The following SLC24A2 variants were observed in gnomAD, a reference collection of about 807,000 sequenced individuals.
SLC24A2 encodes the protein solute carrier family 24 member 2.
SLC24A2 carries 36 observed loss-of-function variants against 62.0 expected under a neutral mutation model. The ratio of observed to expected loss-of-function variants is 0.58; its 90% CI spans 0.44 to 0.77. SLC24A2 has a LOEUF of 0.77. Ranked by LOEUF, SLC24A2 falls within the 30% of genes least tolerant of loss-of-function variation. The pLI, the probability that SLC24A2 is intolerant of heterozygous loss-of-function variation, is 0.00. For synonymous variants in SLC24A2, 358 were observed against 294.0 expected (o/e 1.22, Z -2.23); for missense variants, 846 against 817.9 (o/e 1.03, Z -0.42).
chr9:20,156,049 G>C, the SLC24A2 span, among the ~76,000 whole-genome samples: 1 of 151,496 alleles, frequency 6.6e-6, no homozygotes, highest in Non-Finnish European at 1.5e-5. Flanking sequence ...TATCCATCTG[G>C]ACAAGTTTTT....
the SLC24A2 span, among the ~76,000 whole-genome samples, chr9:20,269,353 C>G: frequency 1.3e-5 from 2 of 152,126 alleles, no homozygotes; most frequent in Non-Finnish European, 2.9e-5. Context: ...TCAGGAATAT[C>G]CCTACTATAC....
chr9:20,045,890 G>C, the SLC24A2 span, among the ~76,000 whole-genome samples: 1 of 152,206 alleles, frequency 6.6e-6, no homozygotes, highest in Admixed American at 6.5e-5. Context: ...CCAAGAGCCA[G>C]TGAGTGATGG....
chr9:19,942,102 C>T, the SLC24A2 span, among the ~76,000 whole-genome samples: 2 of 152,174 alleles, frequency 1.3e-5, no homozygotes, highest in South Asian at 4.1e-4. Context: ...AATAATTTTC[C>T]AAGCCTTATG....
chr9:20,268,722 T>G, the SLC24A2 span, among the ~76,000 whole-genome samples: 1 of 152,228 alleles, frequency 6.6e-6, no homozygotes, highest in Non-Finnish European at 1.5e-5. Context: ...AGACATCTAC[T>G]TCTTCAGGCT....
rs1832876050 is a variant in SLC24A2, at chr9:19,515,157, T to A, written c.*996A>T. The A allele has an allele frequency of 6.6e-6, 1 of 152,072 alleles. No homozygotes were observed. The highest frequency in any genetic ancestry group is 1.5e-5 in the Non-Finnish European group (1 of 68,024). 9.4% of individuals were successfully genotyped at this position (152,072 alleles called of 1,614,324 possible). On this transcript the variant is annotated 3_prime_UTR_variant, in exon 11 of 11. Coordinates refer to ENST00000341998, the MANE Select transcript of SLC24A2 (RefSeq NM_020344.4). Reference sequence around the variant, plus strand: ...GGGACATGCGCTGGAAAAATACAGGTTCAGTTTATATAGTCTTGCTGTCCT... The same window carrying A: ...GGGACATGCGCTGGAAAAATACAGGATCAGTTTATATAGTCTTGCTGTCCT...
At chr9:19,916,809 T>A in the SLC24A2 span, among the ~76,000 whole-genome samples, 6 of 152,016 alleles carry the variant, frequency 3.9e-5, no homozygotes, top group South Asian at 1.2e-3. Context: ...TGCTTATATG[T>A]CTTTTTGTGC....
the SLC24A2 span, among the ~76,000 whole-genome samples, chr9:19,982,268 T>C: frequency 1.3e-5 from 2 of 152,118 alleles, no homozygotes; most frequent in African/African-American, 4.8e-5. Flanking sequence ...TCCTTATGAA[T>C]GGAAGTGTGA....
intron 1 of SLC24A2, among the ~76,000 whole-genome samples, chr9:19,788,363 A>G (rs1000534432): frequency 6.6e-6 from 1 of 152,164 alleles, no homozygotes; most frequent in Non-Finnish European, 1.5e-5. Context: ...GCGCAAAGTC[A>G]TCTCCAGCCC....
chr9:19,952,748 A>AT, the SLC24A2 span, among the ~76,000 whole-genome samples: 3 of 150,934 alleles, frequency 2.0e-5, no homozygotes, highest in African/African-American at 7.3e-5. Flanking sequence ...CAAGGGTAAT[A>AT]CTGGCTTTAT....
At chr9:20,301,487 A>G in the SLC24A2 span, among the ~76,000 whole-genome samples, 1 of 151,724 alleles carries the variant, frequency 6.6e-6, no homozygotes, top group Non-Finnish European at 1.5e-5. Flanking sequence ...CCACACATTT[A>G]CCCTTTTATT....
chr9:20,148,756 A>T, the SLC24A2 span, among the ~76,000 whole-genome samples: 4 of 152,174 alleles, frequency 2.6e-5, no homozygotes, highest in South Asian at 8.3e-4. Flanking sequence ...CTGGACCAAC[A>T]TGTTACTTTA....
chr9:19,698,799 T>G lies in SLC24A2; in HGVS notation c.931-76500A>C, dbSNP rs1052462514. On this transcript the variant is annotated intron_variant, in intron 2 of 10. Coordinates refer to ENST00000341998, the MANE Select transcript of SLC24A2 (RefSeq NM_020344.4). ...GGAAAGGAATCCTGCCTAGGTGACA[T>G]GGACCCACCCATAGAGACCTTTTGT... Among the ~76,000 whole-genome samples the G allele has an allele frequency of 1.4e-4, 21 of 152,308 alleles. 1 individual carries two copies. Among genetic ancestry groups the G allele is most frequent in the African/African-American group, 4.6e-4 (19 of 41,570 alleles).
At chr9:19,555,154 A>T (rs896971297) in intron 7 of SLC24A2, among the ~76,000 whole-genome samples, 1 of 151,966 alleles carries the variant, frequency 6.6e-6, no homozygotes, top group African/African-American at 2.4e-5. Flanking sequence ...AGGGATAATC[A>T]AAAGGGCACT....
intron 2 of SLC24A2, among the ~76,000 whole-genome samples, chr9:19,703,326 A>G (rs1820411883): frequency 1.3e-5 from 2 of 152,170 alleles, no homozygotes; most frequent in African/African-American, 4.8e-5. Context: ...CTGGGCTTCA[A>G]ACACGAGCCC....
At chr9:20,212,546 G>T in the SLC24A2 span, among the ~76,000 whole-genome samples, 16 of 151,750 alleles carry the variant, frequency 1.1e-4, no homozygotes, top group African/African-American at 2.2e-4. Context: ...AGCTACTCGG[G>T]AGGCATATGT....
chr9:19,743,607 A>T (rs1252128121), intron 2 of SLC24A2, among the ~76,000 whole-genome samples: 2 of 152,104 alleles, frequency 1.3e-5, no homozygotes, highest in Non-Finnish European at 2.9e-5. Context: ...AGAGAGAAAG[A>T]TTTTGCATTC....
the SLC24A2 span, among the ~76,000 whole-genome samples, chr9:20,010,567 T>C: frequency 1.3e-5 from 2 of 152,018 alleles, no homozygotes; most frequent in Non-Finnish European, 2.9e-5. Flanking sequence ...AAATAAATTA[T>C]AGAGATAAAT....
chr9:19,717,748 C>A (rs1388603754), intron 2 of SLC24A2, among the ~76,000 whole-genome samples: 1 of 151,952 alleles, frequency 6.6e-6, no homozygotes, highest in African/African-American at 2.4e-5. Flanking sequence ...GTTTTGTACA[C>A]CTTCTCCTCT....
the SLC24A2 span, among the ~76,000 whole-genome samples, chr9:19,981,916 C>T: frequency 6.6e-6 from 1 of 152,080 alleles, no homozygotes; most frequent in African/African-American, 2.4e-5. Context: ...CTCTCCCTAC[C>T]CACTATGAGA....
Sources: gnomAD v4.1 joint callset for allele counts (sites outside exome capture counted in the v4.1 genomes callset) on GRCh38, gnomAD v4.1.1 for gene constraint, MANE v1.5 for transcripts, NCBI Gene and HGNC (gene_info 2026-07-23, HGNC 2026-07-21) for gene names.